The following TTLL7 variants were observed in gnomAD, a reference collection of about 807,000 sequenced individuals.
TTLL7 encodes tubulin tyrosine ligase like 7, also known as tubulin polyglutamylase TTLL7.
A neutral mutation model predicts 120.2 loss-of-function variants in TTLL7; 53 were observed. The ratio of observed to expected loss-of-function variants is 0.44; its 90% CI spans 0.35 to 0.55. The LOEUF is 0.55. Among genes scored for constraint, TTLL7 ranks in the 20% least tolerant of loss-of-function variants. The probability of loss-of-function intolerance (pLI) is 0.00; values close to 1 mark genes in which losing one functional copy is unlikely to be tolerated. For synonymous variants in TTLL7, 353 were observed against 351.7 expected, an observed-to-expected ratio of 1.00 and a Z score of -0.04; for missense variants, 803 against 1,054.7, an observed-to-expected ratio of 0.76 and a Z score of 3.31.
chr1:83,986,213 T>A (rs1211551266), intron 1 of TTLL7, among the ~76,000 whole-genome samples: 1 of 152,184 alleles, frequency 6.6e-6, no homozygotes, highest in African/African-American at 2.4e-5. Context: ...GTGTACCTAA[T>A]GTGTGTATAT....
At chr1:83,871,448 T>C (rs1653385219) in intron 20 of TTLL7, among the ~76,000 whole-genome samples, 1 of 151,990 alleles carries the variant, frequency 6.6e-6, no homozygotes. Flanking sequence ...GTCCTAGTAA[T>C]GATGAGGAGG....
chr1:83,930,790 C>T (rs1195253728), intron 9 of TTLL7, among the ~76,000 whole-genome samples: 1 of 152,030 alleles, frequency 6.6e-6, no homozygotes, highest in Non-Finnish European at 1.5e-5. Context: ...TTGTGCCAGG[C>T]ATATCCCTCC....
intron 15 of TTLL7, 83 bp from the exon 16 acceptor site, chr1:83,907,744 A>T: frequency 8.1e-7 from 1 of 1,236,850 alleles, no homozygotes; most frequent in Non-Finnish European, 1.1e-6. Context: ...TAAACTAAAG[A>T]TTATAGCAGC....
At chr1:83,880,487 C>A (rs1253552705) in intron 20 of TTLL7, among the ~76,000 whole-genome samples, 1 of 151,896 alleles carries the variant, frequency 6.6e-6, no homozygotes, top group East Asian at 1.9e-4. Flanking sequence ...TTATTATACT[C>A]CCCAAGTTTT....
At position 83,951,957 on chromosome 1, in the gene TTLL7, G is replaced by C; in HGVS notation, c.45C>G (p.Pro15=). Residue 15 remains proline (P), a synonymous_variant, in exon 3 of 21, where the codon CCC becomes CCG. Transcript: ENST00000260505. ...PQEGVIQGPS[P]LDLNTELPYQ... ...AAGGTAATTCTGTATTCAAATCCAG[G>C]GGAGAGGGTCCCTGAATAACTTTAA... 6.2e-7 allele frequency: 1 copy of C among 1,607,836 alleles called. No individual in the cohort carries two copies. Among genetic ancestry groups the C allele is most frequent in the Non-Finnish European group, 8.5e-7 (1 of 1,178,320 alleles).
intron 13 of TTLL7, among the ~76,000 whole-genome samples, chr1:83,919,452 C>T (rs564560014): frequency 2.0e-4 from 30 of 152,102 alleles, no homozygotes; most frequent in Admixed American, 9.8e-4. Flanking sequence ...TAAGAAGATA[C>T]GTTATTATAA....
At chr1:83,929,085 T>A in intron 10 of TTLL7, 51 bp downstream of exon 10, 3 of 1,203,068 alleles carry the variant, frequency 2.5e-6, no homozygotes, top group South Asian at 1.4e-5. Flanking sequence ...AAATGATTAA[T>A]CTATGTCAAA....
At chr1:83,892,530 A>G (rs1655696164) in intron 18 of TTLL7, among the ~76,000 whole-genome samples, 1 of 145,608 alleles carries the variant, frequency 6.9e-6, no homozygotes, top group African/African-American at 2.5e-5. Context: ...GAACATATAT[A>G]TGAACATATG....
rs192013620 is a variant in TTLL7 at position 83,967,310 on chromosome 1, T to G, written c.-176-14923A>C. ...ACAACAACAACCACCTTTTGCCAAC[T>G]ATGCCAACAGTTCTCAAACTTGAAT... is the stretch of plus-strand genomic sequence containing the variant. On this transcript the variant is annotated intron_variant, in intron 1 of 20. Transcript: ENST00000260505. 5.4e-5 allele frequency among the ~76,000 whole-genome samples: 7 copies of G among 130,802 alleles called. No homozygotes were observed. In the South Asian group the frequency reaches 7.0e-4, roughly 13 times the overall value. 85.8% of individuals were successfully genotyped at this position (130,802 alleles called of 152,430 possible).
chr1:83,895,921 GC>G (rs1269938636), intron 18 of TTLL7, among the ~76,000 whole-genome samples: 1 of 152,038 alleles, frequency 6.6e-6, no homozygotes, highest in Non-Finnish European at 1.5e-5. Flanking sequence ...CTCCTTTATG[GC>G]CACGGAGTAA....
intron 1 of TTLL7, among the ~76,000 whole-genome samples, chr1:83,976,121 G>T (rs1651462797): frequency 6.6e-6 from 1 of 151,100 alleles, no homozygotes; most frequent in African/African-American, 2.4e-5. Flanking sequence ...TTCTTACCAT[G>T]GATTGCAACC....
chr1:83,976,695 C>A (rs1651521544), intron 1 of TTLL7, among the ~76,000 whole-genome samples: 1 of 152,060 alleles, frequency 6.6e-6, no homozygotes, highest in Non-Finnish European at 1.5e-5. Flanking sequence ...AGTAGCTTTA[C>A]TGGATTAGCC....
At chr1:83,920,248 T>C (rs1658524663) in intron 12 of TTLL7, among the ~76,000 whole-genome samples, 3 of 152,050 alleles carry the variant, frequency 2.0e-5, no homozygotes, top group Admixed American at 2.0e-4. Flanking sequence ...AGGGTTTAGT[T>C]GGGGGGAAAT....
In TTLL7 at chr1:83,883,041, C is replaced by A. The variant is rs1654651957; in HGVS notation, c.2465G>T (p.Cys822Phe). Residue 822 changes from cysteine to phenylalanine, a missense_variant, in exon 20 of 21, where the codon TGC becomes TTC. Physicochemically the swap from Cys to Phe is radical, Grantham distance 205 (BLOSUM62 -2). Around this residue, in one of 3 missense-constraint regions of TTLL7, gnomAD observed 388 missense variants for 450.4 expected, o/e 0.86. Coordinates refer to ENST00000260505, the MANE Select transcript of TTLL7 (RefSeq NM_024686.6). ...CQRLVELCKQCLLVVYKYATD... is the reference protein window; with the variant it reads ...CQRLVELCKQFLLVVYKYATD... ...TGCATATTTGTAAACCACTAGCAGG[C>A]ACTGTTTACAAAGCTCCACTAGGCG... 7 of 1,612,752 alleles carry A rather than the reference C, an allele frequency of 4.3e-6. No homozygotes were observed. The highest frequency in any genetic ancestry group is 5.9e-6 in the Non-Finnish European group (7 of 1,179,204).
intron 1 of TTLL7, among the ~76,000 whole-genome samples, chr1:83,955,588 C>G (rs1031981692): frequency 6.6e-6 from 1 of 152,180 alleles, no homozygotes; most frequent in African/African-American, 2.4e-5. Flanking sequence ...GTCAATAAAC[C>G]TGCCACCACC....
intron 12 of TTLL7, 57 bp from the exon 13 acceptor site, chr1:83,919,891 T>C: frequency 1.3e-6 from 2 of 1,540,508 alleles, no homozygotes; most frequent in Non-Finnish European, 1.8e-6. Flanking sequence ...AGCTCAATAG[T>C]TAACATCAAC....
chr1:83,956,686 T>C lies in TTLL7; in HGVS notation c.-176-4299A>G, dbSNP rs10158349. On this transcript the variant is annotated intron_variant, in intron 1 of 20. Transcript: ENST00000260505. Reference sequence around the variant, plus strand: ...CTCAGGTGATCCGCCTACCTCGGCCTCCCAAAGTGCTGCGATTGCAGGCGT... The same window carrying C: ...CTCAGGTGATCCGCCTACCTCGGCCCCCCAAAGTGCTGCGATTGCAGGCGT... Among the ~76,000 whole-genome samples, 954 of 152,278 alleles carry C rather than the reference T, an allele frequency of 6.3e-3. 16 individuals are homozygous for C. The highest frequency in any genetic ancestry group is 0.021 in the African/African-American group (863 of 41,562).
intron 18 of TTLL7, among the ~76,000 whole-genome samples, chr1:83,903,558 A>G (rs1656915277): frequency 6.6e-6 from 1 of 152,074 alleles, no homozygotes; most frequent in South Asian, 2.1e-4. Flanking sequence ...ATATTTGCAT[A>G]TAACCTATGC....
At chr1:83,952,154 T>C (rs1281956407) in intron 2 of TTLL7, 33 bp downstream of exon 2, 2 of 1,603,328 alleles carry the variant, frequency 1.2e-6, no homozygotes, top group East Asian at 2.2e-5. Context: ...AACACCTCCA[T>C]ATTTTGTAAC....
Sources: allele counts gnomAD v4.1 joint callset (sites outside exome capture counted in the v4.1 genomes callset), GRCh38; gene constraint gnomAD v4.1.1; regional missense constraint gnomAD v4.1.1; transcripts MANE v1.5; gene names NCBI Gene and HGNC (gene_info 2026-07-23, HGNC 2026-07-21).